The following ZC3H6 variants were observed in gnomAD, a reference collection of about 807,000 sequenced individuals.
ZC3H6 encodes the protein zinc finger CCCH-type containing 6.
Under a neutral mutation model 107.7 loss-of-function variants are expected in ZC3H6, and 40 were observed. That is an observed-to-expected ratio of 0.37 (90% CI 0.29 to 0.48). ZC3H6 has a LOEUF of 0.48. Ranked by LOEUF, ZC3H6 falls within the 20% of genes least tolerant of loss-of-function variation. ZC3H6 has a pLI of 0.98. For missense variants in ZC3H6, 1,267 were observed against 1,410.4 expected, an observed-to-expected ratio of 0.90 and a Z score of 1.63; for synonymous variants, 493 against 487.9, an observed-to-expected ratio of 1.01 and a Z score of -0.14.
At chr2:112,277,742 T>C (rs1159011282) in intron 1 of ZC3H6, among the ~76,000 whole-genome samples, 1 of 152,068 alleles carries the variant, frequency 6.6e-6, no homozygotes, top group African/African-American at 2.4e-5. Flanking sequence ...ACTTAGCCAA[T>C]TGTTAAGTGG....
intron 1 of ZC3H6, among the ~76,000 whole-genome samples, chr2:112,293,326 A>C (rs530447965): frequency 6.6e-6 from 1 of 152,336 alleles, no homozygotes; most frequent in Admixed American, 6.5e-5. Flanking sequence ...ACCAAGTAAA[A>C]ATTGCCATGG....
intron 1 of ZC3H6, among the ~76,000 whole-genome samples, chr2:112,281,589 G>A (rs1398232395): frequency 6.6e-6 from 1 of 152,210 alleles, no homozygotes; most frequent in Non-Finnish European, 1.5e-5. Context: ...TGGACAATGA[G>A]AGAATAGAAT....
intron 2 of ZC3H6, among the ~76,000 whole-genome samples, chr2:112,302,483 C>T (rs1228286194): frequency 6.6e-6 from 1 of 152,000 alleles, no homozygotes. Flanking sequence ...TGAGTTTGTA[C>T]TAGATCTAGA....
intron 7 of ZC3H6, among the ~76,000 whole-genome samples, chr2:112,320,535 A>T (rs984996196): frequency 1.8e-4 from 28 of 152,010 alleles, no homozygotes; most frequent in Non-Finnish European, 3.4e-4. Context: ...CTTCCTTTTT[A>T]AAAAAAATGT....
At position 112,275,794 on chromosome 2, in the gene ZC3H6, ATC is replaced by A. The variant is rs887199396; in HGVS notation, c.-195_-194del. On this transcript the variant is annotated 5_prime_UTR_variant, in exon 1 of 12. Transcript: ENST00000409871. ...GCCCAGTGTTTGCAGTTAGAGCCCC[ATC>A]TCTCTGGCGTGGTTGTTAATAGACT... 1.0e-5 allele frequency: 5 copies of A among 482,956 alleles called. No homozygotes were observed. Among genetic ancestry groups the A allele is most frequent in the African/African-American group, 2.0e-5 (1 of 48,970 alleles). 29.9% of individuals were successfully genotyped at this position (482,956 alleles called of 1,614,324 possible).
At chr2:112,310,551 A>T (rs764570335) in intron 4 of ZC3H6, among the ~76,000 whole-genome samples, 9 of 152,204 alleles carry the variant, frequency 5.9e-5, no homozygotes, top group Non-Finnish European at 1.3e-4. Context: ...TTGCTAAGCA[A>T]GTGTGCATGG....
chr2:112,297,222 T>C (rs1159286290), intron 1 of ZC3H6, among the ~76,000 whole-genome samples: 1 of 152,208 alleles, frequency 6.6e-6, no homozygotes, highest in Non-Finnish European at 1.5e-5. Context: ...GCCAATCTTA[T>C]TAAGACCACG....
rs550360953 is a variant in ZC3H6 at position 112,293,355 on chromosome 2, G to A, written c.33-6494G>A. On this transcript the variant is annotated intron_variant, in intron 1 of 11. Transcript: ENST00000409871. ...GCCATGGCTGTAAATAGTCAAAAAG[G>A]GGTAAGCTAAGTTTCTGCAAACTAA... Among the ~76,000 whole-genome samples, 32 of 152,290 alleles carry A rather than the reference G, an allele frequency of 2.1e-4. No individual in the cohort carries two copies. In the East Asian group the frequency reaches 5.6e-3, roughly 27 times the overall value.
intron 1 of ZC3H6, among the ~76,000 whole-genome samples, chr2:112,295,403 A>G (rs1256451488): frequency 1.3e-5 from 2 of 152,208 alleles, no homozygotes; most frequent in Non-Finnish European, 2.9e-5. Context: ...CTAGAGAATG[A>G]TAAGAACTCT....
Position 112,336,113 on chromosome 2 carries a change from T to A in ZC3H6, c.*3625T>A, listed in dbSNP as rs866147613. ...TCACACTGCGGTCTTCCTGAAAGAC[T>A]ACTTACTTCATAAAGGTATTATGTT... is the stretch of plus-strand genomic sequence containing the variant. On this transcript the variant is annotated 3_prime_UTR_variant, in exon 12 of 12. Coordinates refer to ENST00000409871, the MANE Select transcript of ZC3H6 (RefSeq NM_198581.3). The A allele has an allele frequency of 1.3e-5, 2 of 152,124 alleles. No homozygotes were observed. Among genetic ancestry groups the A allele is most frequent in the African/African-American group, 4.8e-5 (2 of 41,466 alleles). 9.4% of individuals were successfully genotyped at this position (152,124 alleles called of 1,614,324 possible).
At position 112,299,748 on chromosome 2, in the gene ZC3H6, A is replaced by T. The variant is rs1676331406; in HGVS notation, c.33-101A>T. 16 of 938,438 alleles carry T rather than the reference A, an allele frequency of 1.7e-5. No homozygotes were observed. The South Asian group carries it at 3.9e-4, about 23-fold the overall frequency. The allele number at this position is 938,438 out of a possible 1,614,324, so 58.1% of individuals were successfully genotyped here. A position where few individuals can be genotyped will look rare whatever the true frequency, so the allele number is the denominator to read the frequency against. On this transcript the variant is annotated intron_variant, in intron 1 of 11. Coordinates refer to ENST00000409871, the MANE Select transcript of ZC3H6 (RefSeq NM_198581.3). ...ATTTTTCAAGTGCTTGTCTAAATGAATATAACATAAATCCTTGGCATATGC... is the reference window on the plus strand; with the variant it reads ...ATTTTTCAAGTGCTTGTCTAAATGATTATAACATAAATCCTTGGCATATGC...
In ZC3H6 at chr2:112,317,280, AT is replaced by A; in HGVS notation, c.928del (p.Tyr310IlefsTer43). The A allele has an allele frequency of 6.3e-7, 1 of 1,592,466 alleles. No homozygotes were observed. Among genetic ancestry groups the A allele is most frequent in the Non-Finnish European group, 8.5e-7 (1 of 1,170,900 alleles). ...TGGAGAAAAGAAAAGAGATCTGCAAATTTTATTTACAAGGATATTGTACCAA... is the reference window on the plus strand; with the variant it reads ...TGGAGAAAAGAAAAGAGATCTGCAAATTTATTTACAAGGATATTGTACCAA... ...ELEKRKEICK[F>X]YLQGYCTKGE... On this transcript the variant is annotated frameshift_variant, in exon 7 of 12. Transcript: ENST00000409871. LOFTEE classifies it high-confidence loss of function.
At chr2:112,317,152 T>C in intron 6 of ZC3H6, 69 bp from the exon 7 acceptor site, 1 of 825,836 alleles carries the variant, frequency 1.2e-6, no homozygotes, top group Non-Finnish European at 1.8e-6. Flanking sequence ...AAAATTCAGC[T>C]GTTGTTTCTT....
At position 112,322,634 on chromosome 2, in the gene ZC3H6, G is replaced by C. The variant is rs1676825351; in HGVS notation, c.1087-15G>C. The C allele has an allele frequency of 2.5e-6, 4 of 1,575,800 alleles. No homozygotes were observed. The highest frequency in any genetic ancestry group is 3.4e-6 in the Non-Finnish European group (4 of 1,165,382). On this transcript the variant is annotated splice_polypyrimidine_tract_variant and intron_variant, in intron 8 of 11. Coordinates refer to ENST00000409871, the MANE Select transcript of ZC3H6 (RefSeq NM_198581.3). ...GACTCGCTTTGAAATAGTAATCTTT[G>C]CCAATTATTTTTAGGTGTTGAATAC...
At chr2:112,280,631 ACTGAGTGCTGT>A in intron 1 of ZC3H6, among the ~76,000 whole-genome samples, 1 of 152,220 alleles carries the variant, frequency 6.6e-6, no homozygotes, top group East Asian at 1.9e-4. Context: ...GGAGGCCTGA[ACTGAGTGCTGT>A]GGGGGTACAC....
At chr2:112,303,478 C>A in intron 3 of ZC3H6, 127 bp downstream of exon 3, 1 of 638,006 alleles carries the variant, frequency 1.6e-6, no homozygotes, top group Non-Finnish European at 2.5e-6. Flanking sequence ...CACCACTTAT[C>A]CATTTCTAGA....
Position 112,292,276 on chromosome 2 carries a change from G to A in ZC3H6, c.33-7573G>A, listed in dbSNP as rs904316983. 1.8e-4 allele frequency among the ~76,000 whole-genome samples: 28 copies of A among 152,170 alleles called. 1 individual carries two copies. Among genetic ancestry groups the A allele is most frequent in the African/African-American group, 3.6e-4 (15 of 41,440 alleles). ...CTGTAGAAGTAGAGCAGATGATTAC[G>A]TATTCACTGCTATATGGCTTATTAC... On this transcript the variant is annotated intron_variant, in intron 1 of 11. Coordinates refer to ENST00000409871, the MANE Select transcript of ZC3H6 (RefSeq NM_198581.3).
chr2:112,279,077 T>G (rs1351611150), intron 1 of ZC3H6, among the ~76,000 whole-genome samples: 7 of 152,254 alleles, frequency 4.6e-5, no homozygotes, highest in Non-Finnish European at 2.9e-5. Context: ...ATACTTCTAA[T>G]TCTACTTGTG....
Position 112,333,719 on chromosome 2 carries a change from T to C in ZC3H6, c.*1231T>C, listed in dbSNP as rs1677082232. 6.6e-6 allele frequency: 1 copy of C among 152,108 alleles called. No individual in the cohort carries two copies. The highest frequency in any genetic ancestry group is 1.5e-5 in the Non-Finnish European group (1 of 67,968). 9.4% of individuals were successfully genotyped at this position (152,108 alleles called of 1,614,324 possible). A position where few individuals can be genotyped will look rare whatever the true frequency, so the allele number is the denominator to read the frequency against. On this transcript the variant is annotated 3_prime_UTR_variant, in exon 12 of 12. Transcript: ENST00000409871. ...CTAAGTATTAGACTGCTACTCATAT[T>C]TTGAACTGCAGGTGTAGGACAGTGT...
Sources: gnomAD v4.1 joint callset for allele counts (sites outside exome capture counted in the v4.1 genomes callset) on GRCh38, gnomAD v4.1.1 for gene constraint, MANE v1.5 for transcripts, NCBI Gene and HGNC (gene_info 2026-07-23, HGNC 2026-07-21) for gene names.